The following DOCK2 variants were observed in gnomAD, a reference collection of about 807,000 sequenced individuals.
The protein encoded by DOCK2 is dedicator of cytokinesis protein 2.
A neutral mutation model predicts 248.9 loss-of-function variants in DOCK2; 87 were observed. The observed-to-expected ratio is 0.35, with a 90% CI of 0.29 to 0.42. The LOEUF (loss-of-function observed/expected upper bound fraction) is 0.42. Among genes scored for constraint, DOCK2 ranks in the 10% least tolerant of loss-of-function variants. The pLI is 1.00. For synonymous variants in DOCK2, 805 were observed against 821.6 expected (o/e 0.98, Z 0.35); for missense variants, 1,747 against 2,300.2 (o/e 0.76, Z 4.92).
chr5:170,067,408 C>G (rs948942246), intron 44 of DOCK2, 102 bp from the exon 45 acceptor site: 103 of 1,241,492 alleles, frequency 8.3e-5, no homozygotes, highest in Non-Finnish European at 1.1e-4. Context: ...GGAGCATTGC[C>G]TCATTTGAAT....
chr5:169,801,163 T>G (rs1456428876), intron 25 of DOCK2, among the ~76,000 whole-genome samples: 2 of 130,048 alleles, frequency 1.5e-5, no homozygotes, highest in Non-Finnish European at 1.6e-5. Flanking sequence ...TTTTTTTTTT[T>G]TTTTTTTTTT....
At chr5:169,778,108 C>G (rs1348891017) in intron 25 of DOCK2, among the ~76,000 whole-genome samples, 1 of 152,222 alleles carries the variant, frequency 6.6e-6, no homozygotes, top group Non-Finnish European at 1.5e-5. Context: ...GCCACAAGTG[C>G]TCCTGGATGG....
intron 27 of DOCK2, among the ~76,000 whole-genome samples, chr5:169,952,999 G>A (rs1776725125): frequency 1.3e-5 from 2 of 152,192 alleles, no homozygotes; most frequent in Non-Finnish European, 2.9e-5. Context: ...TTATTGAATT[G>A]TTTAAACAAT....
intron 27 of DOCK2, among the ~76,000 whole-genome samples, chr5:169,942,708 GC>G (rs1208187488): frequency 6.6e-6 from 1 of 152,146 alleles, no homozygotes; most frequent in African/African-American, 2.4e-5. Flanking sequence ...AGAGGACACA[GC>G]TCCTGCCCTC....
At chr5:169,961,720 G>A (rs989592709) in intron 27 of DOCK2, among the ~76,000 whole-genome samples, 24 of 152,204 alleles carry the variant, frequency 1.6e-4, no homozygotes, top group Admixed American at 1.0e-3. Context: ...GCTCACGCCC[G>A]TAATCCCAGC....
intron 27 of DOCK2, among the ~76,000 whole-genome samples, chr5:169,945,130 C>A (rs1490772780): frequency 6.6e-6 from 1 of 152,232 alleles, no homozygotes; most frequent in East Asian, 1.9e-4. Context: ...TTCTCTTGGC[C>A]CCAGAAGAAT....
intron 27 of DOCK2, among the ~76,000 whole-genome samples, chr5:169,942,007 T>C (rs957886715): frequency 1.3e-5 from 2 of 152,242 alleles, no homozygotes; most frequent in Admixed American, 6.5e-5. Context: ...TGTTCTGTAG[T>C]TGCAAAATAA....
chr5:169,673,613 T>G (rs977750674), intron 5 of DOCK2, among the ~76,000 whole-genome samples: 39 of 152,186 alleles, frequency 2.6e-4, no homozygotes, highest in Admixed American at 1.0e-3. Flanking sequence ...GCTAAACTCC[T>G]GGCCTCAAGC....
intron 9 of DOCK2, chr5:169,695,405 C>G (rs1760555493): frequency 5.9e-6 from 1 of 169,474 alleles, no homozygotes; most frequent in South Asian, 1.4e-4. Context: ...TGTCTTCTCT[C>G]TCAGAGGTTC....
At chr5:169,744,138 A>G (rs995729670) in intron 22 of DOCK2, among the ~76,000 whole-genome samples, 5 of 152,046 alleles carry the variant, frequency 3.3e-5, no homozygotes, top group Non-Finnish European at 7.4e-5. Context: ...GATTTGTGTT[A>G]TCTGCCTTCC....
chr5:169,850,534 A>G (rs945282385), intron 27 of DOCK2, among the ~76,000 whole-genome samples: 2 of 105,556 alleles, frequency 1.9e-5, no homozygotes, highest in Non-Finnish European at 3.7e-5. Flanking sequence ...GAATCAAGTT[A>G]AGAAAGAAAA....
intron 26 of DOCK2, among the ~76,000 whole-genome samples, chr5:169,827,014 C>T (rs112271614): frequency 8.8e-5 from 13 of 147,128 alleles, no homozygotes; most frequent in African/African-American, 2.1e-4. Context: ...GAGCGTGGCA[C>T]GTAGTGAGTC....
chr5:170,073,657 T>C (rs1197567695), intron 46 of DOCK2, among the ~76,000 whole-genome samples: 1 of 152,194 alleles, frequency 6.6e-6, no homozygotes, highest in African/African-American at 2.4e-5. Context: ...ATATATCTTA[T>C]TAGATCTGCT....
At chr5:169,822,186 A>G (rs1768498497) in intron 26 of DOCK2, among the ~76,000 whole-genome samples, 1 of 152,192 alleles carries the variant, frequency 6.6e-6, no homozygotes, top group African/African-American at 2.4e-5. Flanking sequence ...TTAACACCCC[A>G]CTGTCAATAT....
chr5:169,990,104 T>G (rs1369570356), intron 29 of DOCK2, among the ~76,000 whole-genome samples: 4 of 151,986 alleles, frequency 2.6e-5, no homozygotes, highest in African/African-American at 9.7e-5. Flanking sequence ...TTTTTTCTTC[T>G]TCTTTTTCTT....
At chr5:169,842,816 C>G (rs540635588) in intron 27 of DOCK2, among the ~76,000 whole-genome samples, 2 of 152,248 alleles carry the variant, frequency 1.3e-5, no homozygotes, top group East Asian at 1.9e-4. Context: ...GGCTCTCTGT[C>G]TTTTGCATTA....
At chr5:170,058,427 CTG>C (rs1757212569) in intron 44 of DOCK2, among the ~76,000 whole-genome samples, 1 of 152,078 alleles carries the variant, frequency 6.6e-6, no homozygotes, top group African/African-American at 2.4e-5. Context: ...CAGGTGATAA[CTG>C]TGATGGAAAA....
intron 27 of DOCK2, among the ~76,000 whole-genome samples, chr5:169,937,301 A>C (rs997476875): frequency 1.3e-5 from 2 of 152,180 alleles, no homozygotes; most frequent in African/African-American, 4.8e-5. Flanking sequence ...CTTTGAGAAC[A>C]AGTTTGCCAA....
intron 1 of DOCK2, among the ~76,000 whole-genome samples, chr5:169,650,337 C>A (rs2113150500): frequency 6.6e-6 from 1 of 152,282 alleles, no homozygotes; most frequent in Admixed American, 6.5e-5. Context: ...AGAATTTAGA[C>A]TCCGAGATCT....
Sources: allele counts gnomAD v4.1 joint callset (sites outside exome capture counted in the v4.1 genomes callset), GRCh38; gene constraint gnomAD v4.1.1; transcripts MANE v1.5; gene names NCBI Gene and HGNC (gene_info 2026-07-23, HGNC 2026-07-21).